KIAA1586: variants seen among roughly 807,000 people sequenced by gnomAD.
KIAA1586 encodes the protein KIAA1586.
Under a neutral mutation model 6.1 loss-of-function variants are expected in KIAA1586, and 5 were observed. The ratio of observed to expected loss-of-function variants is 0.82; its 90% confidence interval spans 0.43 to 1.73. The LOEUF is 1.73. KIAA1586 is among the 40% of genes most tolerant of loss of function. KIAA1586 has a pLI of 0.02. For synonymous variants in KIAA1586, 280 were observed against 301.7 expected (o/e 0.93, Z 0.75); for missense variants, 899 against 878.2 (o/e 1.02, Z -0.30).
downstream of KIAA1586, among the ~76,000 whole-genome samples, chr6:57,057,110 C>T (rs1828510841): frequency 6.6e-6 from 1 of 151,766 alleles, no homozygotes; most frequent in South Asian, 2.1e-4. Flanking sequence ...CACCTGTAGT[C>T]CCAGCTACTC....
chr6:57,062,459 A>C, the KIAA1586 span, among the ~76,000 whole-genome samples: 1 of 152,204 alleles, frequency 6.6e-6, no homozygotes, highest in African/African-American at 2.4e-5. Flanking sequence ...ACTCCTATTA[A>C]GAGTCACATC....
chr6:57,053,416 ATAT>A lies in KIAA1586; in HGVS notation c.921_923del (p.Ile308del). 1 of 1,609,190 alleles carries A rather than the reference ATAT, an allele frequency of 6.2e-7. No homozygotes were observed. The highest frequency in any genetic ancestry group is 8.5e-7 in the Non-Finnish European group (1 of 1,177,668). ...GAAATGAAGATGAAGATATTTAAGAATATTATAGAAGAGAATGCCAAAATCTGT... is the reference window on the plus strand; with the variant it reads ...GAAATGAAGATGAAGATATTTAAGAATATAGAAGAGAATGCCAAAATCTGT... On this transcript the variant is annotated inframe_deletion, in exon 4 of 4. Coordinates refer to ENST00000370733, the MANE Select transcript of KIAA1586 (RefSeq NM_020931.4).
chr6:57,061,065 A>G, the KIAA1586 span, among the ~76,000 whole-genome samples: 2 of 151,444 alleles, frequency 1.3e-5, no homozygotes, highest in South Asian at 2.1e-4. Context: ...GCAACCTCCA[A>G]CTTCCTGGTT....
chr6:57,059,515 C>T (rs543077836), downstream of KIAA1586, among the ~76,000 whole-genome samples: 213 of 149,254 alleles, frequency 1.4e-3, no homozygotes, highest in African/African-American at 5.0e-3. Context: ...GGCGTGAACC[C>T]GGGAGGCAGA....
At chr6:57,055,751 C>T (rs1828488618), downstream of KIAA1586, among the ~76,000 whole-genome samples, 1 of 151,996 alleles carries the variant, frequency 6.6e-6, no homozygotes, top group Non-Finnish European at 1.5e-5. Flanking sequence ...AATCAAGTGG[C>T]GATGCAGAAC....
chr6:57,058,085 G>A (rs76858172), downstream of KIAA1586, among the ~76,000 whole-genome samples: 9,563 of 151,936 alleles, frequency 0.063, 451 homozygotes, highest in Non-Finnish European at 0.1. Flanking sequence ...GTGAGCCACC[G>A]CGCCCATCTC....
At chr6:57,046,839 T>G (rs1262182607) in intron 1 of KIAA1586, 63 bp downstream of exon 1, 1 of 1,585,336 alleles carries the variant, frequency 6.3e-7, no homozygotes, top group Non-Finnish European at 8.6e-7. Context: ...TTGTGTTTTC[T>G]GCGGTCTGAG....
chr6:57,063,529 A>G, the KIAA1586 span, among the ~76,000 whole-genome samples: 1 of 144,418 alleles, frequency 6.9e-6, no homozygotes, highest in African/African-American at 2.6e-5. Flanking sequence ...TCTCGGCTCA[A>G]TGCAACCTCC....
chr6:57,062,029 T>C, the KIAA1586 span, among the ~76,000 whole-genome samples: 58 of 151,870 alleles, frequency 3.8e-4, no homozygotes, highest in South Asian at 7.1e-3. Flanking sequence ...CCACCTGGGC[T>C]CAAGAGATCC....
chr6:57,055,305 C>T (rs1593052387), downstream of KIAA1586: 1 of 149,258 alleles, frequency 6.7e-6, no homozygotes, highest in Middle Eastern at 3.4e-3. Context: ...GGCTGATCAG[C>T]TTAGGGCTAA....
Position 57,054,758 on chromosome 6 carries a change from A to G in KIAA1586, c.2259A>G (p.Lys753=). The stretch of plus-strand genomic sequence containing the variant: ...ATTGGGATGCAACACCGTTTGTAAA[A>G]TCTTGGTCAAATTGCAACCACAGGT... ...LADWDATPFV[K]SWSNCNHRLA... is the part of the protein sequence containing the mutation. The change falls in exon 4 of 4, where the codon AAA becomes AAG. Residue 753 remains lysine (K), a synonymous_variant. Transcript: ENST00000370733. 6.4e-7 allele frequency: 1 copy of G among 1,551,382 alleles called. No homozygotes were observed. The highest frequency in any genetic ancestry group is 8.7e-7 in the Non-Finnish European group (1 of 1,146,798).
chr6:57,056,018 T>G (rs1222145146), downstream of KIAA1586, among the ~76,000 whole-genome samples: 1 of 152,122 alleles, frequency 6.6e-6, no homozygotes, highest in Non-Finnish European at 1.5e-5. Context: ...GAACTAAGGT[T>G]GTAAGTTTGG....
In KIAA1586 at chr6:57,053,091, A is replaced by G. The variant is rs745417211; in HGVS notation, c.592A>G (p.Thr198Ala). Residue 198 changes from threonine (T) to alanine (A), a missense_variant, in exon 4 of 4, where the codon ACT (threonine) becomes GCT (alanine). Physicochemically the swap from Thr to Ala is moderately conservative, Grantham distance 58. Coordinates refer to ENST00000370733, the MANE Select transcript of KIAA1586 (RefSeq NM_020931.4). Reference sequence around the variant, plus strand: ...AACCCCTAATGGCAGTAATAAAACTACTAGGCAAGCTTCTCTACGAAAAAA... The same window carrying G: ...AACCCCTAATGGCAGTAATAAAACTGCTAGGCAAGCTTCTCTACGAAAAAA... ...LVTPNGSNKTTRQASLRKKIR... is the reference protein window; with the variant it reads ...LVTPNGSNKTARQASLRKKIR... The G allele has an allele frequency of 6.2e-7, 1 of 1,610,740 alleles. No individual in the cohort carries two copies. Among genetic ancestry groups the G allele is most frequent in the Admixed American group, 1.7e-5 (1 of 58,998 alleles).
intron 2 of KIAA1586, among the ~76,000 whole-genome samples, chr6:57,048,242 G>A (rs1427597721): frequency 6.6e-6 from 1 of 152,168 alleles, no homozygotes; most frequent in Non-Finnish European, 1.5e-5. Context: ...TTGGAATGCC[G>A]TAGTTAGTTG....
chr6:57,046,979 C>T (rs1828213771), intron 1 of KIAA1586: 1 of 680,496 alleles, frequency 1.5e-6, no homozygotes, highest in Non-Finnish European at 2.3e-6. Context: ...CCCGCACGGG[C>T]CCTGGCGTTC....
rs1031379327 is a variant in KIAA1586 at position 57,053,093 on chromosome 6, T to C, written c.594T>C (p.Thr198=). The change falls in exon 4 of 4, where the codon ACT becomes ACC. Residue 198 remains threonine, a synonymous_variant. Coordinates refer to ENST00000370733, the MANE Select transcript of KIAA1586 (RefSeq NM_020931.4). ...CCCCTAATGGCAGTAATAAAACTACTAGGCAAGCTTCTCTACGAAAAAAAA... is the reference window on the plus strand; with the variant it reads ...CCCCTAATGGCAGTAATAAAACTACCAGGCAAGCTTCTCTACGAAAAAAAA... The part of the protein sequence containing the change: ...LVTPNGSNKT[T]RQASLRKKIR... 5.6e-6 allele frequency: 9 copies of C among 1,610,214 alleles called. No homozygotes were observed. The highest frequency in any genetic ancestry group is 7.6e-6 in the Non-Finnish European group (9 of 1,178,918).
chr6:57,061,105 G>A, the KIAA1586 span, among the ~76,000 whole-genome samples: 2 of 151,958 alleles, frequency 1.3e-5, no homozygotes, highest in Admixed American at 1.3e-4. Flanking sequence ...AGCCTCCTGA[G>A]TAGCTGGGAT....
In KIAA1586 at chr6:57,054,954, A is replaced by C; in HGVS notation, c.*91A>C. On this transcript the variant is annotated 3_prime_UTR_variant, in exon 4 of 4. Transcript: ENST00000370733. ...CTTTTTTTTTTTTGGAAAGCCAGTT[A>C]AACTTTTATCAGCATGTTGCTGTTT... The C allele has an allele frequency of 7.4e-7, 1 of 1,345,474 alleles. No homozygotes were observed. The highest frequency in any genetic ancestry group is 9.9e-7 in the Non-Finnish European group (1 of 1,015,128). 83.3% of individuals were successfully genotyped at this position (1,345,474 alleles called of 1,614,324 possible). A position where few individuals can be genotyped will look rare whatever the true frequency, so the allele number is the denominator to read the frequency against.
rs765234741 is a variant in KIAA1586, at chr6:57,053,849, TTATC to T, written c.1351_1354del (p.Tyr451IlefsTer11). The T allele has an allele frequency of 6.5e-7, 1 of 1,528,282 alleles. No individual in the cohort carries two copies. Among genetic ancestry groups the T allele is most frequent in the Non-Finnish European group, 8.8e-7 (1 of 1,131,624 alleles). 94.7% of individuals were successfully genotyped at this position (1,528,282 alleles called of 1,614,324 possible). A position where few individuals can be genotyped will look rare whatever the true frequency, so the allele number is the denominator to read the frequency against. ...TATTTATTGATAAAATTTATTCTATTTATCATCAACCTAATAAAAATCAAACCAA... is the reference window on the plus strand; with the variant it reads ...TATTTATTGATAAAATTTATTCTATTATCAACCTAATAAAAATCAAACCAA... On this transcript the variant is annotated frameshift_variant, in exon 4 of 4. Coordinates refer to ENST00000370733, the MANE Select transcript of KIAA1586 (RefSeq NM_020931.4). LOFTEE classifies it low-confidence loss of function (END_TRUNC).
Sources: gnomAD v4.1 joint callset for allele counts (sites outside exome capture counted in the v4.1 genomes callset) on GRCh38, gnomAD v4.1.1 for gene constraint, MANE v1.5 for transcripts, NCBI Gene and HGNC (gene_info 2026-07-23, HGNC 2026-07-21) for gene names.